Variants in FSIP1 observed in about 807,000 individuals in gnomAD.
FSIP1 encodes the protein fibrous sheath interacting protein 1.
A neutral mutation model predicts 60.9 loss-of-function variants in FSIP1; 65 were observed. The ratio of observed to expected loss-of-function variants is 1.07; its 90% CI spans 0.87 to 1.31. The LOEUF (loss-of-function observed/expected upper bound fraction) is 1.31, where lower values mean the gene tolerates loss of function less well. Ranked by LOEUF, FSIP1 falls within the 40% of genes most tolerant of loss-of-function variation. The probability of loss-of-function intolerance (pLI) is 0.00; values close to 1 mark genes in which losing one functional copy is unlikely to be tolerated. For synonymous variants in FSIP1, 209 were observed against 221.2 expected (o/e 0.94, Z 0.49); for missense variants, 675 against 665.5 (o/e 1.01, Z -0.16).
intron 10 of FSIP1, among the ~76,000 whole-genome samples, chr15:39,659,879 T>C (rs1242210165): frequency 4.6e-5 from 7 of 152,218 alleles, no homozygotes; most frequent in African/African-American, 1.7e-4. Flanking sequence ...GGTACTGTTA[T>C]GACAGCAAGA....
chr15:39,660,203 C>G (rs1338384351), intron 10 of FSIP1, among the ~76,000 whole-genome samples: 1 of 152,116 alleles, frequency 6.6e-6, no homozygotes, highest in Non-Finnish European at 1.5e-5. Flanking sequence ...GATTAGCAGC[C>G]CCACCTTCTA....
chr15:39,705,573 C>T (rs574218612), intron 10 of FSIP1, among the ~76,000 whole-genome samples: 11 of 152,222 alleles, frequency 7.2e-5, no homozygotes, highest in Non-Finnish European at 1.5e-4. Flanking sequence ...AGTTACAGCA[C>T]ATATTCTATT....
chr15:39,708,950 C>T (rs753159812), intron 10 of FSIP1, among the ~76,000 whole-genome samples: 11 of 152,258 alleles, frequency 7.2e-5, no homozygotes, highest in Middle Eastern at 3.4e-3. Flanking sequence ...TGTCTACTTC[C>T]CCTAGCTCCT....
intron 7 of FSIP1, 138 bp from the exon 8 acceptor site, chr15:39,738,339 T>A: frequency 1.8e-6 from 1 of 570,888 alleles, no homozygotes; most frequent in South Asian, 2.8e-5. Flanking sequence ...ATTTTCTAGG[T>A]AATTTTATTT....
intron 10 of FSIP1, among the ~76,000 whole-genome samples, chr15:39,659,627 T>TA (rs10648104): frequency 0.019 from 2,613 of 137,984 alleles, 59 homozygotes; most frequent in African/African-American, 0.062. Flanking sequence ...GCTGTTATTT[T>TA]AAAAAAAAAA....
At chr15:39,622,893 C>T (rs140124766) in intron 10 of FSIP1, among the ~76,000 whole-genome samples, 14 of 152,274 alleles carry the variant, frequency 9.2e-5, no homozygotes, top group African/African-American at 2.9e-4. Context: ...AAACTCTCCC[C>T]GCAGAACAGT....
intron 3 of FSIP1, among the ~76,000 whole-genome samples, chr15:39,769,219 C>G (rs1897797134): frequency 6.7e-6 from 1 of 149,602 alleles, no homozygotes; most frequent in African/African-American, 2.5e-5. Flanking sequence ...GCAGAGCTTG[C>G]AGTGAGCCGA....
At chr15:39,713,686 A>C (rs1488375997) in intron 9 of FSIP1, 105 bp from the exon 10 acceptor site, 1 of 1,025,052 alleles carries the variant, frequency 9.8e-7, no homozygotes. Context: ...CTTCTCAAAC[A>C]ATTATTTCTT....
At chr15:39,622,944 G>A (rs1891496407) in intron 10 of FSIP1, among the ~76,000 whole-genome samples, 1 of 151,968 alleles carries the variant, frequency 6.6e-6, no homozygotes, top group African/African-American at 2.4e-5. Context: ...TGGCTTTTGT[G>A]TGTACGTTTT....
At chr15:39,683,673 TC>T (rs1337390988) in intron 10 of FSIP1, among the ~76,000 whole-genome samples, 1 of 152,114 alleles carries the variant, frequency 6.6e-6, no homozygotes, top group Non-Finnish European at 1.5e-5. Context: ...ATGGAGAAAA[TC>T]CCAAGGAATC....
At chr15:39,692,098 T>A (rs895869842) in intron 10 of FSIP1, among the ~76,000 whole-genome samples, 1 of 152,158 alleles carries the variant, frequency 6.6e-6, no homozygotes, top group Non-Finnish European at 1.5e-5. Flanking sequence ...AAGATCATCT[T>A]ATTAGGTGCT....
At chr15:39,696,870 C>CTGTGTG (rs67940382) in intron 10 of FSIP1, among the ~76,000 whole-genome samples, 57 of 111,826 alleles carry the variant, frequency 5.1e-4, no homozygotes, top group East Asian at 2.7e-3. Flanking sequence ...GAAGGGGTGT[C>CTGTGTG]TGTGTGTGTG....
intron 3 of FSIP1, among the ~76,000 whole-genome samples, chr15:39,767,383 A>C (rs111959564): frequency 0.016 from 2,428 of 152,284 alleles, 81 homozygotes; most frequent in African/African-American, 0.055. Context: ...AAACAAATCC[A>C]ATGTAAACTG....
At chr15:39,775,936 T>A (rs1034178526) in intron 2 of FSIP1, among the ~76,000 whole-genome samples, 4 of 151,976 alleles carry the variant, frequency 2.6e-5, no homozygotes, top group Non-Finnish European at 5.9e-5. Context: ...ACATGGCCTT[T>A]ACCAAACGGT....
intron 10 of FSIP1, among the ~76,000 whole-genome samples, chr15:39,650,025 C>T (rs574082223): frequency 6.6e-6 from 1 of 152,376 alleles, no homozygotes; most frequent in East Asian, 1.9e-4. Context: ...TGATTCCCCA[C>T]TCAGCGTCCT....
At chr15:39,714,848 C>A (rs1346748570) in intron 9 of FSIP1, among the ~76,000 whole-genome samples, 2 of 151,694 alleles carry the variant, frequency 1.3e-5, no homozygotes. Flanking sequence ...ACGGTAACAC[C>A]TACAGTCTCA....
At chr15:39,712,894 A>G (rs1105159) in intron 10 of FSIP1, among the ~76,000 whole-genome samples, 46,862 of 141,068 alleles carry the variant, frequency 0.33, 8,289 homozygotes, top group South Asian at 0.48. Context: ...ATTAGTAATT[A>G]CAAACAAAAA....
chr15:39,674,124 G>A (rs1004631758), intron 10 of FSIP1, among the ~76,000 whole-genome samples: 2 of 150,784 alleles, frequency 1.3e-5, no homozygotes, highest in South Asian at 2.1e-4. Flanking sequence ...GCGCGATCTC[G>A]GCTCACTGCA....
chr15:39,670,396 A>G (rs1010476311), intron 10 of FSIP1, among the ~76,000 whole-genome samples: 4 of 152,246 alleles, frequency 2.6e-5, no homozygotes, highest in African/African-American at 9.6e-5. Context: ...GGCAAAAAAT[A>G]TACTCCTACA....
Sources: gnomAD v4.1 joint callset for allele counts (sites outside exome capture counted in the v4.1 genomes callset) on GRCh38, gnomAD v4.1.1 for gene constraint, MANE v1.5 for transcripts, NCBI Gene and HGNC (gene_info 2026-07-23, HGNC 2026-07-21) for gene names.